Variants in UBASH3B observed in about 807,000 individuals in gnomAD.
UBASH3B encodes ubiquitin associated and SH3 domain containing B.
Under a neutral mutation model 83.4 loss-of-function variants are expected in UBASH3B, and 37 were observed. That is an observed-to-expected ratio of 0.44 (90% CI 0.34 to 0.58). The LOEUF is 0.58. Ranked by LOEUF, UBASH3B falls within the 20% of genes least tolerant of loss-of-function variation. The probability of loss-of-function intolerance (pLI) is 0.01; values close to 1 mark genes in which losing one functional copy is unlikely to be tolerated. For missense variants in UBASH3B, 657 were observed against 827.2 expected (o/e 0.79, Z 2.52); for synonymous variants, 304 against 318.3 (o/e 0.96, Z 0.48).
At chr11:122,752,623 T>C (rs575744625) in intron 1 of UBASH3B, among the ~76,000 whole-genome samples, 1 of 152,364 alleles carries the variant, frequency 6.6e-6, no homozygotes, top group East Asian at 1.9e-4. Flanking sequence ...GGATCCATTT[T>C]AGTCTTTGCA....
Position 122,811,742 on chromosome 11 carries a change from A to T in UBASH3B, c.*1856A>T, listed in dbSNP as rs1591336904. On this transcript the variant is annotated 3_prime_UTR_variant, in exon 14 of 14. Transcript: ENST00000284273. ...GCAAACACTGACCCAGCTTCTGGGTATGGAAATAACCCTGTGATGATGTGT... is the reference window on the plus strand; with the variant it reads ...GCAAACACTGACCCAGCTTCTGGGTTTGGAAATAACCCTGTGATGATGTGT... The T allele has an allele frequency of 6.6e-6, 1 of 152,228 alleles. No individual in the cohort carries two copies. The highest frequency in any genetic ancestry group is 2.4e-5 in the African/African-American group (1 of 41,458). 9.4% of individuals were successfully genotyped at this position (152,228 alleles called of 1,614,324 possible).
At chr11:122,765,807 C>T (rs539316558) in intron 1 of UBASH3B, among the ~76,000 whole-genome samples, 2 of 152,318 alleles carry the variant, frequency 1.3e-5, no homozygotes, top group East Asian at 3.9e-4. Flanking sequence ...GGTGCCCAGG[C>T]TGCTCCTGGG....
At chr11:122,678,472 C>T (rs2135906587) in intron 1 of UBASH3B, among the ~76,000 whole-genome samples, 1 of 152,296 alleles carries the variant, frequency 6.6e-6, no homozygotes, top group Non-Finnish European at 1.5e-5. Flanking sequence ...AAGGGAAATG[C>T]CTGCAGCCTC....
chr11:122,754,758 C>T (rs1327925507), intron 1 of UBASH3B, among the ~76,000 whole-genome samples: 2 of 152,158 alleles, frequency 1.3e-5, no homozygotes, highest in Admixed American at 6.5e-5. Context: ...GAAGAGAATC[C>T]GCAGCACACA....
At chr11:122,660,815 T>C (rs1451514996) in intron 1 of UBASH3B, among the ~76,000 whole-genome samples, 1 of 152,216 alleles carries the variant, frequency 6.6e-6, no homozygotes, top group Admixed American at 6.5e-5. Context: ...GGCTTTTTAA[T>C]GTTTCCAGTG....
intron 1 of UBASH3B, among the ~76,000 whole-genome samples, chr11:122,717,550 G>C (rs1032575741): frequency 6.6e-6 from 1 of 152,226 alleles, no homozygotes; most frequent in East Asian, 1.9e-4. Context: ...ACACAGCACG[G>C]ATGCTTGTAA....
intron 1 of UBASH3B, among the ~76,000 whole-genome samples, chr11:122,699,669 G>A (rs1434125706): frequency 6.6e-6 from 1 of 151,186 alleles, no homozygotes; most frequent in South Asian, 2.1e-4. Context: ...TGCAACCTCC[G>A]CCTCCAGGGC....
At chr11:122,763,994 A>G (rs1860489932) in intron 1 of UBASH3B, among the ~76,000 whole-genome samples, 1 of 152,184 alleles carries the variant, frequency 6.6e-6, no homozygotes, top group Admixed American at 6.6e-5. Context: ...CCTTGTATGA[A>G]AGTGATAGAA....
intron 2 of UBASH3B, 152 bp from the exon 3 acceptor site, chr11:122,776,872 T>C: frequency 1.5e-6 from 1 of 668,842 alleles, no homozygotes. Context: ...AGTGTGAGTT[T>C]CCAGAAGTAG....
intron 1 of UBASH3B, among the ~76,000 whole-genome samples, chr11:122,695,751 C>T: frequency 6.6e-6 from 1 of 152,152 alleles, no homozygotes; most frequent in East Asian, 1.9e-4. Flanking sequence ...TCAGGAAAGA[C>T]AGAGAAAAGA....
rs944300622 is a variant in UBASH3B, at chr11:122,813,254, T to G, written c.*3368T>G. ...AGTGTGTCTTTTCCACTCAACTAGC[T>G]GTATTCGTATTAAAATGAAGTCTCT... On this transcript the variant is annotated 3_prime_UTR_variant, in exon 14 of 14. Coordinates refer to ENST00000284273, the MANE Select transcript of UBASH3B (RefSeq NM_032873.5). The G allele has an allele frequency of 6.6e-6, 1 of 152,252 alleles. No individual in the cohort carries two copies. The highest frequency in any genetic ancestry group is 6.5e-5 in the Admixed American group (1 of 15,278). The allele number at this position is 152,252 out of a possible 1,614,324, so 9.4% of individuals were successfully genotyped here.
At chr11:122,736,333 T>C (rs1443067833) in intron 1 of UBASH3B, among the ~76,000 whole-genome samples, 2 of 152,086 alleles carry the variant, frequency 1.3e-5, no homozygotes, top group African/African-American at 4.8e-5. Flanking sequence ...CCTCATTCTA[T>C]ATTCTGATGC....
intron 13 of UBASH3B, 51 bp downstream of exon 13, chr11:122,808,227 A>ACT: frequency 7.1e-7 from 1 of 1,413,506 alleles, no homozygotes; most frequent in Non-Finnish European, 1.0e-6. Context: ...GTTTGAAGTC[A>ACT]GTACAGTGAC....
intron 1 of UBASH3B, among the ~76,000 whole-genome samples, chr11:122,694,915 T>TTTTTA (rs1182574299): frequency 2.6e-5 from 4 of 151,092 alleles, no homozygotes; most frequent in African/African-American, 9.7e-5. Flanking sequence ...ATGTGCTTTA[T>TTTTTA]TTTTATTTTA....
At chr11:122,657,357 G>T (rs1182854937) in intron 1 of UBASH3B, among the ~76,000 whole-genome samples, 2 of 151,784 alleles carry the variant, frequency 1.3e-5, no homozygotes, top group African/African-American at 2.4e-5. Flanking sequence ...GTGCAGTGGC[G>T]CAATCTCTGT....
At chr11:122,699,956 C>T (rs890040535) in intron 1 of UBASH3B, among the ~76,000 whole-genome samples, 3 of 152,112 alleles carry the variant, frequency 2.0e-5, no homozygotes, top group South Asian at 2.1e-4. Flanking sequence ...CTTTGGAAAT[C>T]GATCAAGGAA....
chr11:122,685,766 C>T (rs1189630217), intron 1 of UBASH3B, among the ~76,000 whole-genome samples: 1 of 152,164 alleles, frequency 6.6e-6, no homozygotes, highest in African/African-American at 2.4e-5. Context: ...GTGATCCACC[C>T]GCCTTGGCCT....
chr11:122,694,683 T>G (rs186099095), intron 1 of UBASH3B, among the ~76,000 whole-genome samples: 3 of 152,292 alleles, frequency 2.0e-5, no homozygotes, highest in Admixed American at 2.0e-4. Flanking sequence ...GTCTTGGAAA[T>G]GCTGTTATTG....
At chr11:122,657,711 G>A (rs1863382674) in intron 1 of UBASH3B, among the ~76,000 whole-genome samples, 1 of 152,158 alleles carries the variant, frequency 6.6e-6, no homozygotes, top group African/African-American at 2.4e-5. Flanking sequence ...GCCTTAGAAG[G>A]CTGCAAAATG....
Sources: allele counts gnomAD v4.1 joint callset (sites outside exome capture counted in the v4.1 genomes callset), GRCh38; gene constraint gnomAD v4.1.1; transcripts MANE v1.5; gene names NCBI Gene and HGNC (gene_info 2026-07-23, HGNC 2026-07-21).